Variants in SHROOM3 observed in about 807,000 individuals in gnomAD.
SHROOM3 encodes shroom family member 3, also known as protein Shroom3.
In SHROOM3, 47 loss-of-function variants were observed where a neutral mutation model predicts 138.6. The observed-to-expected ratio is 0.34, with a 90% confidence interval of 0.27 to 0.43. The LOEUF (loss-of-function observed/expected upper bound fraction) is 0.43. Ranked by LOEUF, SHROOM3 falls within the 20% of genes least tolerant of loss-of-function variation. The pLI is 1.00. For synonymous variants in SHROOM3, 1,062 were observed against 1,063.3 expected (o/e 1.00, Z 0.02); for missense variants, 2,491 against 2,596.5 (o/e 0.96, Z 0.88).
chr4:76,622,086 C>G (rs962226858), intron 2 of SHROOM3, among the ~76,000 whole-genome samples: 2 of 152,080 alleles, frequency 1.3e-5, no homozygotes, highest in African/African-American at 4.8e-5. Context: ...CCACCTCGGC[C>G]TCCCAAAGTG....
chr4:76,600,532 C>A (rs1430829505), intron 2 of SHROOM3, among the ~76,000 whole-genome samples: 1 of 152,144 alleles, frequency 6.6e-6, no homozygotes, highest in Non-Finnish European at 1.5e-5. Flanking sequence ...TTCAATAAAG[C>A]ACATTAATTA....
At chr4:76,472,755 C>T (rs574447264) in intron 1 of SHROOM3, among the ~76,000 whole-genome samples, 11 of 151,618 alleles carry the variant, frequency 7.3e-5, no homozygotes, top group Middle Eastern at 3.4e-3. Flanking sequence ...AGTGCAGTGG[C>T]GTGATCTCAG....
At chr4:76,521,316 A>G (rs1270488888) in intron 1 of SHROOM3, among the ~76,000 whole-genome samples, 3 of 152,062 alleles carry the variant, frequency 2.0e-5, no homozygotes, top group East Asian at 1.9e-4. Flanking sequence ...GTGTGTGTGC[A>G]CACATGTGTG....
At chr4:76,725,758 A>G (rs751999169) in intron 3 of SHROOM3, among the ~76,000 whole-genome samples, 1 of 152,176 alleles carries the variant, frequency 6.6e-6, no homozygotes, top group Non-Finnish European at 1.5e-5. Context: ...CTATCTCAAC[A>G]GCACTGGCTT....
rs1730554070 is a variant in SHROOM3 at position 76,435,958 on chromosome 4, T to G, written c.-95T>G. ...AAACCTCTCTTTTGGCCATTGTGTG[T>G]CCTGAAGGATGGGACAACTTGTGCT... is the stretch of plus-strand genomic sequence containing the variant. On this transcript the variant is annotated 5_prime_UTR_variant, in exon 1 of 11. Coordinates refer to ENST00000296043, the MANE Select transcript of SHROOM3 (RefSeq NM_020859.4). 7.3e-7 allele frequency: 1 copy of G among 1,373,776 alleles called. No individual in the cohort carries two copies. The highest frequency in any genetic ancestry group is 1.9e-5 in the Admixed American group (1 of 53,262). The allele number at this position is 1,373,776 out of a possible 1,614,324, so 85.1% of individuals were successfully genotyped here.
chr4:76,741,564 T>C lies in SHROOM3; in HGVS notation c.3391T>C (p.Ser1131Pro). ...LQPGPAALEGSGLASASSLSS... is the reference protein window; with the variant it reads ...LQPGPAALEGPGLASASSLSS... ...GCCCGGCCCCGCGGCGCTCGAAGGC[T>C]CCGGCCTCGCCTCGGCCTCCAGCTT... Residue 1131 changes from serine to proline, a missense_variant, in exon 5 of 11, where the codon TCC becomes CCC. Physicochemically the swap from Ser to Pro is moderately conservative, Grantham distance 74. Coordinates refer to ENST00000296043, the MANE Select transcript of SHROOM3 (RefSeq NM_020859.4). This position sits in a 1 kb window ranked among gnomAD's most constrained non-coding sequence, Gnocchi z 6.2. 3 of 1,544,920 alleles carry C rather than the reference T, an allele frequency of 1.9e-6. No homozygotes were observed. Among genetic ancestry groups the C allele is most frequent in the East Asian group, 2.4e-5 (1 of 41,388 alleles).
At chr4:76,682,442 C>T (rs1226945911) in intron 2 of SHROOM3, among the ~76,000 whole-genome samples, 1 of 152,142 alleles carries the variant, frequency 6.6e-6, no homozygotes, top group Non-Finnish European at 1.5e-5. Flanking sequence ...CACTTTTGAC[C>T]ACCACACTCC....
chr4:76,466,989 C>A (rs943615226), intron 1 of SHROOM3, among the ~76,000 whole-genome samples: 28 of 151,588 alleles, frequency 1.8e-4, no homozygotes, highest in Non-Finnish European at 7.4e-5. Flanking sequence ...TGTGCCAACC[C>A]TTGTGCTGGA....
At chr4:76,535,952 A>G (rs1732945238) in intron 1 of SHROOM3, among the ~76,000 whole-genome samples, 1 of 152,200 alleles carries the variant, frequency 6.6e-6, no homozygotes, top group Non-Finnish European at 1.5e-5. Context: ...TGATAATTGA[A>G]AGATAATGGA....
chr4:76,604,197 C>T (rs889263822), intron 2 of SHROOM3, among the ~76,000 whole-genome samples: 4 of 152,128 alleles, frequency 2.6e-5, no homozygotes, highest in African/African-American at 9.7e-5. Flanking sequence ...GAATTGGAGC[C>T]TCTGGCTGCC....
At chr4:76,553,307 G>A (rs879392999) in intron 1 of SHROOM3, among the ~76,000 whole-genome samples, 3 of 151,786 alleles carry the variant, frequency 2.0e-5, no homozygotes, top group South Asian at 2.1e-4. Context: ...ACGGGGTCTC[G>A]CTCTATCACC....
chr4:76,610,300 A>G (rs988022985), intron 2 of SHROOM3, among the ~76,000 whole-genome samples: 14 of 152,216 alleles, frequency 9.2e-5, no homozygotes, highest in African/African-American at 3.4e-4. Context: ...CATTTTGTGG[A>G]AAGGTTTTCT....
At chr4:76,602,850 G>C (rs1329690258) in intron 2 of SHROOM3, among the ~76,000 whole-genome samples, 1 of 152,026 alleles carries the variant, frequency 6.6e-6, no homozygotes, top group African/African-American at 2.4e-5. Flanking sequence ...TGGTGCCTCG[G>C]TTTCCTTATC....
intron 3 of SHROOM3, among the ~76,000 whole-genome samples, chr4:76,718,458 T>C (rs1175992928): frequency 6.6e-6 from 1 of 152,232 alleles, no homozygotes; most frequent in Non-Finnish European, 1.5e-5. Flanking sequence ...CCAGTAACAT[T>C]TGGAAACTTT....
intron 1 of SHROOM3, among the ~76,000 whole-genome samples, chr4:76,443,058 T>C (rs1730730143): frequency 6.6e-6 from 1 of 152,196 alleles, no homozygotes; most frequent in Admixed American, 6.5e-5. Context: ...TGCACATATG[T>C]AATGTTTGGT....
At chr4:76,538,220 G>A (rs76877108) in intron 1 of SHROOM3, among the ~76,000 whole-genome samples, 4,932 of 152,222 alleles carry the variant, frequency 0.032, 285 homozygotes, top group African/African-American at 0.11. Flanking sequence ...TTTTAAAAGG[G>A]GAAACTTTAT....
chr4:76,749,677 C>T (rs1721558189), intron 6 of SHROOM3, among the ~76,000 whole-genome samples: 1 of 152,162 alleles, frequency 6.6e-6, no homozygotes, highest in Non-Finnish European at 1.5e-5. Flanking sequence ...AGCTCAAAAT[C>T]ATAACTTTAT....
chr4:76,491,025 G>A (rs577022686), intron 1 of SHROOM3, among the ~76,000 whole-genome samples: 3 of 152,296 alleles, frequency 2.0e-5, no homozygotes, highest in African/African-American at 4.8e-5. Flanking sequence ...GGAAAGTCAC[G>A]AAAAAGTGGT....
rs1205629213 is a variant in SHROOM3, at chr4:76,621,829, TC to T, written c.323+66067del. On this transcript the variant is annotated intron_variant, in intron 2 of 10. Coordinates refer to ENST00000296043, the MANE Select transcript of SHROOM3 (RefSeq NM_020859.4). ...TTTAGGTCTGAGACAGTTTGAATGT[TC>T]TTTTTTTTTTTTTTTTTGAGACAGA... 2.7e-5 allele frequency among the ~76,000 whole-genome samples: 4 copies of T among 150,900 alleles called. No individual in the cohort carries two copies. The South Asian group carries it at 6.3e-4, about 24-fold the overall frequency.
Sources: allele counts gnomAD v4.1 joint callset (sites outside exome capture counted in the v4.1 genomes callset), GRCh38; gene constraint gnomAD v4.1.1; non-coding constraint Gnocchi (gnomAD v3.1); transcripts MANE v1.5; gene names NCBI Gene and HGNC (gene_info 2026-07-23, HGNC 2026-07-21).